PSD3: variants seen among roughly 807,000 people sequenced by gnomAD.
PSD3 encodes pleckstrin and Sec7 domain containing 3.
A neutral mutation model predicts 105.5 loss-of-function variants in PSD3; 49 were observed. The ratio of observed to expected loss-of-function variants is 0.46; its 90% CI spans 0.37 to 0.59. The LOEUF (loss-of-function observed/expected upper bound fraction) is 0.59. Among genes scored for constraint, PSD3 ranks in the 20% least tolerant of loss-of-function variants. PSD3 has a pLI of 0.00. For missense variants in PSD3, 1,561 were observed against 1,263.8 expected (o/e 1.24, Z -3.57); for synonymous variants, 557 against 457.8 (o/e 1.22, Z -2.77).
chr8:18,970,241 C>G (rs1392280526), intron 1 of PSD3, among the ~76,000 whole-genome samples: 3 of 136,000 alleles, frequency 2.2e-5, no homozygotes, highest in African/African-American at 8.0e-5. Context: ...AGGAGAATGG[C>G]ATGAACCCGG....
rs67855105 is a variant in PSD3, at chr8:18,684,204, CCACACACACACACACA to C, written c.2173-28535_2173-28520del. On this transcript the variant is annotated intron_variant, in intron 9 of 15. Coordinates refer to ENST00000327040, the MANE Select transcript of PSD3 (RefSeq NM_015310.4). ...CACCCCTGCTACTCGTCTCTCTTTT[CCACACACACACACACA>C]CACACACACACACACACACACACAC... The C allele has an allele frequency of 1.4e-3, 272 of 195,656 alleles. 3 individuals are homozygous for C. The highest frequency in any genetic ancestry group is 2.0e-3 in the Middle Eastern group (1 of 500). 12.1% of individuals were successfully genotyped at this position (195,656 alleles called of 1,614,324 possible). A position where few individuals can be genotyped will look rare whatever the true frequency, so the allele number is the denominator to read the frequency against.
chr8:18,946,162 T>C (rs990272002), intron 1 of PSD3, among the ~76,000 whole-genome samples: 1 of 152,170 alleles, frequency 6.6e-6, no homozygotes, highest in Non-Finnish European at 1.5e-5. Context: ...ATTAAGACTT[T>C]CCACTATAAT....
At chr8:18,614,494 C>T (rs1160904818) in intron 11 of PSD3, among the ~76,000 whole-genome samples, 3 of 151,416 alleles carry the variant, frequency 2.0e-5, no homozygotes, top group Admixed American at 6.6e-5. Context: ...AAACTGTGGT[C>T]GATTATTCCA....
chr8:18,737,726 G>C (rs1005770954), intron 9 of PSD3, among the ~76,000 whole-genome samples: 4 of 151,826 alleles, frequency 2.6e-5, no homozygotes, highest in South Asian at 2.1e-4. Flanking sequence ...TTTTCCCCAG[G>C]GTACAGACTG....
intron 8 of PSD3, among the ~76,000 whole-genome samples, chr8:18,790,354 G>A (rs1301129025): frequency 6.8e-6 from 1 of 147,668 alleles, no homozygotes; most frequent in Non-Finnish European, 1.5e-5. Context: ...CCAAGCTGGA[G>A]TGCAGTGGAG....
chr8:18,901,920 G>A, intron 2 of PSD3, among the ~76,000 whole-genome samples: 1 of 152,074 alleles, frequency 6.6e-6, no homozygotes, highest in South Asian at 2.1e-4. Flanking sequence ...GAGTCCCTTA[G>A]ATGTGATTTG....
At chr8:18,915,510 C>T (rs1200316509) in intron 2 of PSD3, among the ~76,000 whole-genome samples, 1 of 152,046 alleles carries the variant, frequency 6.6e-6, no homozygotes, top group Non-Finnish European at 1.5e-5. Context: ...ATTTGTCAAA[C>T]AACTCAATAG....
chr8:18,916,832 T>C (rs1166309470), intron 2 of PSD3, among the ~76,000 whole-genome samples: 1 of 152,106 alleles, frequency 6.6e-6, no homozygotes, highest in Non-Finnish European at 1.5e-5. Flanking sequence ...TAATACTGTA[T>C]GCCATAAATC....
intron 4 of PSD3, among the ~76,000 whole-genome samples, chr8:18,852,534 C>T (rs1815672489): frequency 6.6e-6 from 1 of 152,202 alleles, no homozygotes; most frequent in Non-Finnish European, 1.5e-5. Context: ...ATGAAACTGA[C>T]ATGCCCTCCA....
intron 9 of PSD3, among the ~76,000 whole-genome samples, chr8:18,684,513 C>T (rs1036389859): frequency 3.9e-5 from 6 of 152,128 alleles, no homozygotes; most frequent in East Asian, 3.8e-4. Context: ...GCTAGTGAAA[C>T]GATGCGAGAC....
intron 1 of PSD3, among the ~76,000 whole-genome samples, chr8:19,050,730 A>C (rs1358140494): frequency 6.6e-6 from 1 of 152,164 alleles, no homozygotes; most frequent in Non-Finnish European, 1.5e-5. Flanking sequence ...AGATATACCT[A>C]ATGCTAATTG....
intron 14 of PSD3, among the ~76,000 whole-genome samples, chr8:18,568,140 G>T (rs941524863): frequency 1.3e-5 from 2 of 152,106 alleles, no homozygotes; most frequent in Non-Finnish European, 2.9e-5. Context: ...ATAGCCTGCA[G>T]AACCGTGAGC....
chr8:18,693,634 G>C (rs1198161063), intron 9 of PSD3, among the ~76,000 whole-genome samples: 1 of 152,206 alleles, frequency 6.6e-6, no homozygotes, highest in African/African-American at 2.4e-5. Flanking sequence ...TAAAGACTCA[G>C]AGTCGGTGAC....
rs184034199 is a variant in PSD3 at position 19,064,571 on chromosome 8, T to C, written c.324+19635A>G. Among the ~76,000 whole-genome samples the C allele has an allele frequency of 2.0e-5, 3 of 152,280 alleles. No homozygotes were observed. In the East Asian group the frequency reaches 5.8e-4, roughly 29 times the overall value. On this transcript the variant is annotated intron_variant, in intron 1 of 1. Transcript: ENST00000521475. The stretch of plus-strand genomic sequence containing the variant: ...AGTAAAGGGAGAAACATTCTAATAA[T>C]ACCGAGATAATCTAAACGCTGCTCA...
chr8:18,590,928 T>C (rs1344885550), intron 12 of PSD3, among the ~76,000 whole-genome samples: 1 of 152,142 alleles, frequency 6.6e-6, no homozygotes, highest in African/African-American at 2.4e-5. Context: ...GTGAAAAGAA[T>C]AAGACGCCAA....
intron 10 of PSD3, among the ~76,000 whole-genome samples, chr8:18,655,077 A>C (rs1292795606): frequency 2.6e-5 from 4 of 152,004 alleles, no homozygotes; most frequent in Non-Finnish European, 5.9e-5. Flanking sequence ...TAATCCCAGA[A>C]CTTTGGGAGG....
intron 9 of PSD3, among the ~76,000 whole-genome samples, chr8:18,666,491 T>C (rs12680125): frequency 0.026 from 4,026 of 152,318 alleles, 122 homozygotes; most frequent in East Asian, 0.13. Context: ...ATTTTTCCCC[T>C]AGTTACAACT....
At chr8:18,538,182 T>C (rs1398946739) in intron 15 of PSD3, among the ~76,000 whole-genome samples, 1 of 152,226 alleles carries the variant, frequency 6.6e-6, no homozygotes, top group Non-Finnish European at 1.5e-5. Flanking sequence ...GAATAATAAA[T>C]ATCCTATGGG....
intron 9 of PSD3, among the ~76,000 whole-genome samples, chr8:18,720,444 C>T (rs1452134663): frequency 6.6e-6 from 1 of 152,020 alleles, no homozygotes; most frequent in Non-Finnish European, 1.5e-5. Flanking sequence ...ATCTAAGAAA[C>T]CAGAGTTAAA....
Sources: gnomAD v4.1 joint callset for allele counts (sites outside exome capture counted in the v4.1 genomes callset) on GRCh38, gnomAD v4.1.1 for gene constraint, MANE v1.5 for transcripts, NCBI Gene and HGNC (gene_info 2026-07-23, HGNC 2026-07-21) for gene names.